Variants in SKAP1 observed in about 807,000 individuals in gnomAD.
SKAP1 encodes the protein src kinase-associated phosphoprotein 1.
Under a neutral mutation model 58.5 loss-of-function variants are expected in SKAP1, and 44 were observed. The observed-to-expected ratio is 0.75, with a 90% CI of 0.59 to 0.97. The LOEUF (loss-of-function observed/expected upper bound fraction) is 0.97, where lower values mean the gene tolerates loss of function less well. Ranked by LOEUF, SKAP1 falls within the 50% of genes least tolerant of loss-of-function variation. The pLI is 0.00. For missense variants in SKAP1, 390 were observed against 435.2 expected (o/e 0.90, Z 0.92); for synonymous variants, 127 against 149.7 (o/e 0.85, Z 1.11).
intron 4 of SKAP1, among the ~76,000 whole-genome samples, chr17:48,314,889 G>A (rs1455136610): frequency 6.6e-6 from 1 of 152,170 alleles, no homozygotes; most frequent in Non-Finnish European, 1.5e-5. Context: ...CCAGATGGCT[G>A]GGATCCATGT....
intron 4 of SKAP1, among the ~76,000 whole-genome samples, chr17:48,273,048 C>T (rs1441004136): frequency 1.3e-5 from 2 of 152,182 alleles, no homozygotes; most frequent in African/African-American, 4.8e-5. Flanking sequence ...GCCAACTGCA[C>T]TCCTTCAATC....
chr17:48,314,326 C>G (rs910539304), intron 4 of SKAP1, among the ~76,000 whole-genome samples: 3 of 152,126 alleles, frequency 2.0e-5, no homozygotes, highest in Non-Finnish European at 4.4e-5. Flanking sequence ...GGACAAAAGA[C>G]TTGGAAAGAA....
At chr17:48,442,285 G>A in the SKAP1 span, among the ~76,000 whole-genome samples, 1 of 152,162 alleles carries the variant, frequency 6.6e-6, no homozygotes, top group Non-Finnish European at 1.5e-5. Flanking sequence ...GAAATTCTTA[G>A]ACAACACAGT....
chr17:48,184,433 T>C (rs527704238), intron 7 of SKAP1, among the ~76,000 whole-genome samples: 1 of 152,232 alleles, frequency 6.6e-6, no homozygotes, highest in African/African-American at 2.4e-5. Flanking sequence ...AGTAAGGAAT[T>C]TGATTGTGTG....
At chr17:48,155,443 G>T (rs1171515220) in intron 11 of SKAP1, among the ~76,000 whole-genome samples, 1 of 151,970 alleles carries the variant, frequency 6.6e-6, no homozygotes, top group Non-Finnish European at 1.5e-5. Flanking sequence ...TATTTGGAAA[G>T]AATGTTCCCT....
At chr17:48,186,621 A>G (rs2143502340) in intron 6 of SKAP1, among the ~76,000 whole-genome samples, 1 of 152,082 alleles carries the variant, frequency 6.6e-6, no homozygotes, top group East Asian at 1.9e-4. Context: ...GGCACATGCC[A>G]CCATGCCTGG....
intron 4 of SKAP1, among the ~76,000 whole-genome samples, chr17:48,325,437 C>T (rs2066424616): frequency 6.6e-6 from 1 of 151,988 alleles, no homozygotes; most frequent in Non-Finnish European, 1.5e-5. Flanking sequence ...CGAATATTAT[C>T]TTTCCAACTA....
At chr17:48,169,898 G>A (rs1336172914) in intron 10 of SKAP1, among the ~76,000 whole-genome samples, 1 of 152,164 alleles carries the variant, frequency 6.6e-6, no homozygotes. Flanking sequence ...GGGCTCTGCC[G>A]ACGGAACGAA....
chr17:48,360,265 A>AT (rs531423465), intron 3 of SKAP1, among the ~76,000 whole-genome samples: 39 of 152,040 alleles, frequency 2.6e-4, no homozygotes, highest in Non-Finnish European at 4.6e-4. Flanking sequence ...ATTCATGAAG[A>AT]TTTTTTTATA....
intron 4 of SKAP1, among the ~76,000 whole-genome samples, chr17:48,197,553 G>A (rs1200062332): frequency 1.3e-5 from 2 of 152,158 alleles, no homozygotes; most frequent in Non-Finnish European, 2.9e-5. Context: ...GTCAGGCATG[G>A]TGGTATGTGC....
intron 11 of SKAP1, among the ~76,000 whole-genome samples, chr17:48,148,866 G>A (rs2063865433): frequency 6.6e-6 from 1 of 152,168 alleles, no homozygotes; most frequent in Non-Finnish European, 1.5e-5. Flanking sequence ...GGTTATTGAG[G>A]TTGTTTGGTG....
chr17:48,377,416 A>AT (rs1468442494), intron 2 of SKAP1: 1 of 140,084 alleles, frequency 7.1e-6, no homozygotes, highest in African/African-American at 2.6e-5. Flanking sequence ...TCTAGAAAAA[A>AT]TAAAAAAAAA....
intron 4 of SKAP1, among the ~76,000 whole-genome samples, chr17:48,259,691 C>T (rs1340123902): frequency 1.3e-5 from 2 of 152,158 alleles, no homozygotes; most frequent in Non-Finnish European, 2.9e-5. Flanking sequence ...ACAGAAAAAG[C>T]TGTTGCTACG....
At chr17:48,134,019 T>C (rs1274623754) in intron 12 of SKAP1, among the ~76,000 whole-genome samples, 1 of 152,058 alleles carries the variant, frequency 6.6e-6, no homozygotes, top group Non-Finnish European at 1.5e-5. Flanking sequence ...CCAGTCCTTT[T>C]TTATACAAAT....
At chr17:48,334,355 T>C (rs970630599) in intron 4 of SKAP1, among the ~76,000 whole-genome samples, 17 of 151,844 alleles carry the variant, frequency 1.1e-4, no homozygotes, top group Non-Finnish European at 7.4e-5. Context: ...TAAAGACAGA[T>C]CCCTTCAGAG....
At chr17:48,213,140 G>A (rs1164058408) in intron 4 of SKAP1, among the ~76,000 whole-genome samples, 2 of 151,954 alleles carry the variant, frequency 1.3e-5, no homozygotes, top group African/African-American at 2.4e-5. Context: ...TCAGGAGCTC[G>A]AGACCAGCCT....
intron 11 of SKAP1, among the ~76,000 whole-genome samples, chr17:48,143,275 A>C (rs1598358331): frequency 6.8e-6 from 1 of 148,146 alleles, no homozygotes; most frequent in East Asian, 2.0e-4. Context: ...GCTCACTGCA[A>C]CCTCTGCCTC....
At chr17:48,360,170 T>C (rs2144385290) in intron 3 of SKAP1, among the ~76,000 whole-genome samples, 1 of 152,296 alleles carries the variant, frequency 6.6e-6, no homozygotes, top group South Asian at 2.1e-4. Flanking sequence ...CTATATAATA[T>C]TCCCATGGTC....
At chr17:48,350,698 AAAAC>A (rs946383530) in intron 3 of SKAP1, among the ~76,000 whole-genome samples, 3 of 152,188 alleles carry the variant, frequency 2.0e-5, no homozygotes, top group Non-Finnish European at 2.9e-5. Flanking sequence ...CTCCATCTCA[AAAAC>A]AAACAAACAA....
Sources: gnomAD v4.1 joint callset for allele counts (sites outside exome capture counted in the v4.1 genomes callset) on GRCh38, gnomAD v4.1.1 for gene constraint, MANE v1.5 for transcripts, NCBI Gene and HGNC (gene_info 2026-07-23, HGNC 2026-07-21) for gene names.